The following LPP variants were observed in gnomAD, a reference collection of about 807,000 sequenced individuals.
LPP encodes the protein lipoma-preferred partner.
A neutral mutation model predicts 60.4 loss-of-function variants in LPP; 38 were observed. The observed-to-expected ratio is 0.63, with a 90% confidence interval of 0.49 to 0.83. The LOEUF (loss-of-function observed/expected upper bound fraction) is 0.83, where lower values mean the gene tolerates loss of function less well. Among genes scored for constraint, LPP ranks in the 40% least tolerant of loss-of-function variants. The pLI is 0.00. For missense variants in LPP, 902 were observed against 783.6 expected, an observed-to-expected ratio of 1.15 and a Z score of -1.80; for synonymous variants, 328 against 290.8, an observed-to-expected ratio of 1.13 and a Z score of -1.30.
chr3:188,286,216 C>CT (rs1743867126), intron 2 of LPP, among the ~76,000 whole-genome samples: 4 of 152,210 alleles, frequency 2.6e-5, no homozygotes, highest in Admixed American at 2.6e-4. Flanking sequence ...TGGAAACTCT[C>CT]TGAGGTCTTG....
chr3:188,313,131 T>TA (rs943564588), intron 2 of LPP, among the ~76,000 whole-genome samples: 1 of 113,850 alleles, frequency 8.8e-6, no homozygotes, highest in Non-Finnish European at 1.6e-5. Flanking sequence ...CTTAAAATAT[T>TA]AAAAAAAAGA....
intron 9 of LPP, among the ~76,000 whole-genome samples, chr3:188,839,315 G>A (rs1342371722): frequency 6.6e-6 from 1 of 152,146 alleles, no homozygotes; most frequent in Non-Finnish European, 1.5e-5. Flanking sequence ...TACTGCAAGG[G>A]CCGATCATTA....
intron 6 of LPP, among the ~76,000 whole-genome samples, chr3:188,563,818 C>T (rs762481518): frequency 7.3e-5 from 11 of 151,088 alleles, no homozygotes; most frequent in Admixed American, 1.3e-4. Flanking sequence ...TGTTATCGAC[C>T]TGGGTTTCCA....
rs1359341121 is a variant in LPP at position 188,887,453 on chromosome 3, A to G, written c.*12974A>G. On this transcript the variant is annotated 3_prime_UTR_variant, in exon 12 of 12. Transcript: ENST00000617246. ...TTCAAACATAAACTTTGAGAGTAAA[A>G]GAGATTTTTATAATTTAAATGCCAA... 4.6e-6 allele frequency: 1 copy of G among 215,160 alleles called. No individual in the cohort carries two copies. The highest frequency in any genetic ancestry group is 9.4e-6 in the Non-Finnish European group (1 of 106,656). The allele number at this position is 215,160 out of a possible 1,614,324, so 13.3% of individuals were successfully genotyped here. A position where few individuals can be genotyped will look rare whatever the true frequency, so the allele number is the denominator to read the frequency against.
At chr3:188,813,523 T>G (rs1173807621) in intron 9 of LPP, among the ~76,000 whole-genome samples, 1 of 152,216 alleles carries the variant, frequency 6.6e-6, no homozygotes, top group African/African-American at 2.4e-5. Context: ...ATATGAATTC[T>G]TAATCACTAC....
At position 188,888,985 on chromosome 3, in the gene LPP, G is replaced by A. The variant is rs532333032; in HGVS notation, c.*14506G>A. On this transcript the variant is annotated 3_prime_UTR_variant, in exon 12 of 12. Transcript: ENST00000617246. ...GATGTTTAAGAGAATTAATAGAGCCGTAGTCTGTATTAGGATGTGTGTCAT... is the reference window on the plus strand; with the variant it reads ...GATGTTTAAGAGAATTAATAGAGCCATAGTCTGTATTAGGATGTGTGTCAT... 9.1e-5 allele frequency: 20 copies of A among 218,672 alleles called. No homozygotes were observed. Among genetic ancestry groups the A allele is most frequent in the Non-Finnish European group, 1.6e-4 (17 of 108,788 alleles). The allele number at this position is 218,672 out of a possible 1,614,324, so 13.5% of individuals were successfully genotyped here. A position where few individuals can be genotyped will look rare whatever the true frequency, so the allele number is the denominator to read the frequency against.
At chr3:188,525,665 T>C (rs768014782) in intron 6 of LPP, among the ~76,000 whole-genome samples, 5 of 152,202 alleles carry the variant, frequency 3.3e-5, no homozygotes, top group Non-Finnish European at 5.9e-5. Flanking sequence ...TTGGGGTTAT[T>C]TCCTGGCCTC....
In LPP at chr3:188,877,390, AT is replaced by A. The variant is rs1422245534; in HGVS notation, c.*2914del. On this transcript the variant is annotated 3_prime_UTR_variant, in exon 12 of 12. Transcript: ENST00000617246. ...TTTGAAAAGTATCAGGAATATAAATATTTGGTAATTCTGTGTAACAAGAGAG... is the reference window on the plus strand; with the variant it reads ...TTTGAAAAGTATCAGGAATATAAATATTGGTAATTCTGTGTAACAAGAGAG... 1 of 183,222 alleles carries A rather than the reference AT, an allele frequency of 5.5e-6. No homozygotes were observed. The highest frequency in any genetic ancestry group is 2.3e-5 in the African/African-American group (1 of 42,554). The allele number at this position is 183,222 out of a possible 1,614,324, so 11.3% of individuals were successfully genotyped here.
intron 3 of LPP, among the ~76,000 whole-genome samples, chr3:188,363,478 A>G (rs764503271): frequency 9.2e-5 from 14 of 152,220 alleles, no homozygotes; most frequent in Admixed American, 1.3e-4. Context: ...CTAAAACTGT[A>G]GGAGTTTCAT....
intron 4 of LPP, among the ~76,000 whole-genome samples, chr3:188,429,940 TG>T (rs1790477651): frequency 6.6e-6 from 1 of 152,194 alleles, no homozygotes. Context: ...CACTGTTATA[TG>T]TGGCCGTATT....
intron 9 of LPP, among the ~76,000 whole-genome samples, chr3:188,776,343 A>G (rs562325759): frequency 6.6e-6 from 1 of 152,302 alleles, no homozygotes; most frequent in Non-Finnish European, 1.5e-5. Context: ...GAACAGTTCC[A>G]ATATCTCAAC....
intron 1 of LPP, among the ~76,000 whole-genome samples, chr3:188,189,541 A>T (rs1727553262): frequency 6.6e-6 from 1 of 152,226 alleles, no homozygotes; most frequent in African/African-American, 2.4e-5. Context: ...TGGAATACAA[A>T]TTCCACATCT....
At chr3:188,538,123 A>G (rs1824141143) in intron 6 of LPP, among the ~76,000 whole-genome samples, 1 of 152,240 alleles carries the variant, frequency 6.6e-6, no homozygotes, top group Non-Finnish European at 1.5e-5. Flanking sequence ...AAGAAAATAT[A>G]GAAGTGAGGT....
chr3:188,159,609 T>C (rs1717574154), intron 1 of LPP, among the ~76,000 whole-genome samples: 2 of 152,248 alleles, frequency 1.3e-5, no homozygotes, highest in African/African-American at 2.4e-5. Context: ...AATACTTGCT[T>C]GATGAAGAGA....
chr3:188,236,611 G>A (rs928477986), intron 2 of LPP, among the ~76,000 whole-genome samples: 23 of 152,164 alleles, frequency 1.5e-4, no homozygotes, highest in African/African-American at 5.3e-4. Context: ...GCAGTGAAGC[G>A]AGTCACACAA....
chr3:188,835,279 G>A (rs1471732412), intron 9 of LPP, among the ~76,000 whole-genome samples: 5 of 139,664 alleles, frequency 3.6e-5, no homozygotes, highest in Non-Finnish European at 6.1e-5. Flanking sequence ...CCAATATGGT[G>A]AAAACTGTCT....
At chr3:188,708,069 A>G (rs1335388784) in intron 7 of LPP, among the ~76,000 whole-genome samples, 198 bp from the exon 8 acceptor site, 1 of 152,228 alleles carries the variant, frequency 6.6e-6, no homozygotes, top group Non-Finnish European at 1.5e-5. Context: ...TGACTCATCT[A>G]GATAAGGCAA....
intron 3 of LPP, among the ~76,000 whole-genome samples, chr3:188,349,349 G>A (rs982620452): frequency 7.9e-5 from 12 of 152,176 alleles, no homozygotes; most frequent in Admixed American, 7.9e-4. Context: ...GCATATGGAT[G>A]CTAAAAGAAA....
chr3:188,487,339 G>T (rs1450241892), intron 5 of LPP, among the ~76,000 whole-genome samples: 1 of 152,102 alleles, frequency 6.6e-6, no homozygotes, highest in Non-Finnish European at 1.5e-5. Context: ...TTTCCAGTGG[G>T]TTCCATTAAA....
Sources: gnomAD v4.1 joint callset for allele counts (sites outside exome capture counted in the v4.1 genomes callset) on GRCh38, gnomAD v4.1.1 for gene constraint, MANE v1.5 for transcripts, NCBI Gene and HGNC (gene_info 2026-07-23, HGNC 2026-07-21) for gene names.